ADAM12: variants seen among roughly 807,000 people sequenced by gnomAD.
The protein encoded by ADAM12 is disintegrin and metalloproteinase domain-containing protein 12.
In ADAM12, 70 loss-of-function variants were observed where a neutral mutation model predicts 106.4. The ratio of observed to expected loss-of-function variants is 0.66; its 90% CI spans 0.54 to 0.80. ADAM12 has a LOEUF of 0.80. Among genes scored for constraint, ADAM12 ranks in the 30% least tolerant of loss-of-function variants. The pLI is 0.00. For synonymous variants in ADAM12, 420 were observed against 433.5 expected, an observed-to-expected ratio of 0.97 and a Z score of 0.39; for missense variants, 1,010 against 1,171.9, an observed-to-expected ratio of 0.86 and a Z score of 2.02.
At chr10:126,380,463 T>C (rs879595585) in intron 1 of ADAM12, among the ~76,000 whole-genome samples, 2 of 152,184 alleles carry the variant, frequency 1.3e-5, no homozygotes, top group Admixed American at 6.5e-5. Flanking sequence ...ACACTGCTGA[T>C]CTCACTATCT....
At chr10:126,101,447 G>A (rs754163285) in intron 8 of ADAM12, among the ~76,000 whole-genome samples, 10 of 152,208 alleles carry the variant, frequency 6.6e-5, no homozygotes, top group Non-Finnish European at 1.2e-4. Flanking sequence ...GGTTCTCGAA[G>A]ATTGACCAAT....
Position 126,311,645 on chromosome 10 carries a change from G to A in ADAM12, c.186+18767C>T, listed in dbSNP as rs569061487. On this transcript the variant is annotated intron_variant, in intron 2 of 22. Transcript: ENST00000448723. ...GGAGCTGGAGCTGGAGTTAAAAATC[G>A]ATAATGCCAAAGTGATGAAGCCTCC... 5.9e-4 allele frequency among the ~76,000 whole-genome samples: 89 copies of A among 152,130 alleles called. No homozygotes were observed. The South Asian group carries it at 0.017, about 28-fold the overall frequency.
At chr10:126,051,508 T>G (rs1214195803) in intron 14 of ADAM12, among the ~76,000 whole-genome samples, 22 of 133,272 alleles carry the variant, frequency 1.7e-4, no homozygotes, top group Middle Eastern at 4.3e-3. Context: ...CACCCGTCCA[T>G]CCATCCATCC....
intron 4 of ADAM12, among the ~76,000 whole-genome samples, chr10:126,147,405 G>A (rs1037156616): frequency 1.3e-5 from 2 of 152,118 alleles, no homozygotes; most frequent in African/African-American, 2.4e-5. Flanking sequence ...TGGAGCCAGC[G>A]GGTGCTTTTC....
intron 1 of ADAM12, among the ~76,000 whole-genome samples, chr10:126,339,249 A>G (rs1199601562): frequency 6.6e-6 from 1 of 152,182 alleles, no homozygotes; most frequent in African/African-American, 2.4e-5. Flanking sequence ...TCTATATTTT[A>G]TCTACAGGAC....
chr10:126,279,004 C>T lies in ADAM12; in HGVS notation c.187-16G>A. On this transcript the variant is annotated splice_polypyrimidine_tract_variant and intron_variant, in intron 2 of 22. Coordinates refer to ENST00000448723, the MANE Select transcript of ADAM12 (RefSeq NM_001288973.2). ...CTGGATGATTCTGAAAGATAAACAA[C>T]AAAAGTCAGTTGAAAAACGCTTGGC... The T allele has an allele frequency of 6.2e-7, 1 of 1,606,082 alleles. No individual in the cohort carries two copies. The highest frequency in any genetic ancestry group is 8.5e-7 in the Non-Finnish European group (1 of 1,173,670).
intron 3 of ADAM12, among the ~76,000 whole-genome samples, chr10:126,187,388 A>T (rs1051617697): frequency 1.2e-4 from 18 of 151,980 alleles, no homozygotes; most frequent in African/African-American, 4.4e-4. Context: ...TGCTGGGGGC[A>T]TTTCAGTAAA....
rs568328079 is a variant in ADAM12 at position 126,364,025 on chromosome 10, A to G, written c.88+24033T>C. Among the ~76,000 whole-genome samples the G allele has an allele frequency of 2.0e-5, 3 of 152,322 alleles. No individual in the cohort carries two copies. The East Asian group carries it at 5.8e-4, about 29-fold the overall frequency. On this transcript the variant is annotated intron_variant, in intron 1 of 22. Transcript: ENST00000448723. ...AGGGGAAATCCATGAATGAATATTT[A>G]TATCAATAAGTCAATTAATATTTTT...
intron 11 of ADAM12, among the ~76,000 whole-genome samples, chr10:126,087,312 T>A (rs1346483789): frequency 9.2e-5 from 14 of 152,202 alleles, no homozygotes; most frequent in African/African-American, 3.4e-4. Context: ...AGGCTGCATA[T>A]TGATGCGCCC....
At chr10:126,106,751 T>G (rs555882307) in intron 8 of ADAM12, among the ~76,000 whole-genome samples, 5 of 152,206 alleles carry the variant, frequency 3.3e-5, no homozygotes, top group Admixed American at 6.5e-5. Flanking sequence ...CCCAAAGTGC[T>G]GGGATTACAG....
At chr10:126,382,858 A>T (rs1204692940) in intron 1 of ADAM12, among the ~76,000 whole-genome samples, 1 of 152,252 alleles carries the variant, frequency 6.6e-6, no homozygotes. Context: ...TCCATTACAA[A>T]AAAGAAGAGG....
chr10:126,159,048 G>A (rs998294142), intron 3 of ADAM12, among the ~76,000 whole-genome samples: 3 of 152,082 alleles, frequency 2.0e-5, no homozygotes, highest in African/African-American at 7.2e-5. Context: ...AGTGGCTCAC[G>A]CCTGTAATCC....
At chr10:126,331,645 A>G (rs2133853140) in intron 1 of ADAM12, among the ~76,000 whole-genome samples, 1 of 152,316 alleles carries the variant, frequency 6.6e-6, no homozygotes, top group Non-Finnish European at 1.5e-5. Flanking sequence ...GACCAAGAGG[A>G]CAAGGAACAG....
intron 3 of ADAM12, among the ~76,000 whole-genome samples, chr10:126,235,049 T>A (rs1958386724): frequency 6.6e-6 from 1 of 151,398 alleles, no homozygotes; most frequent in South Asian, 2.1e-4. Context: ...GATGGAAGAG[T>A]TGGGGAAGCT....
At chr10:126,234,641 C>A (rs902054544) in intron 3 of ADAM12, among the ~76,000 whole-genome samples, 1 of 152,210 alleles carries the variant, frequency 6.6e-6, no homozygotes, top group Non-Finnish European at 1.5e-5. Context: ...GAAACACACA[C>A]GCATCCTGAC....
intron 3 of ADAM12, among the ~76,000 whole-genome samples, chr10:126,157,280 T>C (rs371353143): frequency 6.6e-5 from 10 of 152,358 alleles, no homozygotes; most frequent in South Asian, 4.1e-4. Context: ...GAGATGGACC[T>C]GTTGCCCATG....
At chr10:126,379,747 T>TTG (rs1856425492) in intron 1 of ADAM12, among the ~76,000 whole-genome samples, 1 of 41,700 alleles carries the variant, frequency 2.4e-5, no homozygotes, top group Non-Finnish European at 5.9e-5. Context: ...AGTATTTCAA[T>TTG]TTTTTTTTTT....
intron 3 of ADAM12, among the ~76,000 whole-genome samples, chr10:126,263,653 T>A (rs1455489805): frequency 2.6e-5 from 4 of 152,248 alleles, no homozygotes; most frequent in African/African-American, 9.6e-5. Context: ...AAAAGTTTAC[T>A]AATTAATTTA....
At chr10:126,159,797 C>G (rs1297518237) in intron 3 of ADAM12, among the ~76,000 whole-genome samples, 2 of 152,190 alleles carry the variant, frequency 1.3e-5, no homozygotes, top group South Asian at 4.1e-4. Flanking sequence ...TGACTCAGAA[C>G]AGCAATACAA....
Sources: gnomAD v4.1 joint callset for allele counts (sites outside exome capture counted in the v4.1 genomes callset) on GRCh38, gnomAD v4.1.1 for gene constraint, MANE v1.5 for transcripts, NCBI Gene and HGNC (gene_info 2026-07-23, HGNC 2026-07-21) for gene names.